Variants in C12orf42 observed in about 807,000 individuals in gnomAD.
C12orf42 encodes chromosome 12 open reading frame 42.
Under a neutral mutation model 21.6 loss-of-function variants are expected in C12orf42, and 25 were observed. The observed-to-expected ratio is 1.16, with a 90% CI of 0.84 to 1.62. C12orf42 has a LOEUF of 1.62. Ranked by LOEUF, C12orf42 falls within the 40% of genes most tolerant of loss-of-function variation. The pLI is 0.00. For missense variants in C12orf42, 483 were observed against 459.3 expected, an observed-to-expected ratio of 1.05 and a Z score of -0.47; for synonymous variants, 174 against 175.0, an observed-to-expected ratio of 0.99 and a Z score of 0.05.
chr12:103,279,580 C>T (rs116155369), intron 4 of C12orf42, among the ~76,000 whole-genome samples: 35 of 152,298 alleles, frequency 2.3e-4, no homozygotes, highest in African/African-American at 7.9e-4. Flanking sequence ...TGCTAGTTCA[C>T]TGTTCCTGTC....
chr12:103,096,137 G>C, the C12orf42 span, among the ~76,000 whole-genome samples: 1 of 152,220 alleles, frequency 6.6e-6, no homozygotes, highest in East Asian at 1.9e-4. Flanking sequence ...ATCTATTTTT[G>C]TAAAACTGAG....
At chr12:103,416,171 G>T (rs2049310451) in intron 2 of C12orf42, among the ~76,000 whole-genome samples, 1 of 151,488 alleles carries the variant, frequency 6.6e-6, no homozygotes, top group African/African-American at 2.4e-5. Context: ...ATGTCATTCT[G>T]TAGGGGTATG....
intron 10 of C12orf42, among the ~76,000 whole-genome samples, chr12:103,255,668 C>A (rs968426280): frequency 2.6e-5 from 4 of 151,818 alleles, no homozygotes; most frequent in Non-Finnish European, 5.9e-5. Flanking sequence ...GTTAAACCAC[C>A]CATATTTTGA....
At chr12:103,554,784 C>T in the C12orf42 span, among the ~76,000 whole-genome samples, 12 of 152,132 alleles carry the variant, frequency 7.9e-5, no homozygotes, top group Non-Finnish European at 8.8e-5. Context: ...TATCGCAAGA[C>T]AGCACTAGGG....
chr12:103,118,223 T>C, the C12orf42 span, among the ~76,000 whole-genome samples: 2 of 152,236 alleles, frequency 1.3e-5, no homozygotes, highest in Non-Finnish European at 2.9e-5. Context: ...CCATGACTTA[T>C]TGATGTCTTT....
intron 3 of C12orf42, among the ~76,000 whole-genome samples, chr12:103,377,726 C>G (rs1206852912): frequency 6.6e-6 from 1 of 152,098 alleles, no homozygotes; most frequent in Non-Finnish European, 1.5e-5. Context: ...GTTCTAAGCC[C>G]TGTGTGCACT....
chr12:103,380,816 A>C (rs952891179), intron 3 of C12orf42, among the ~76,000 whole-genome samples: 1 of 152,216 alleles, frequency 6.6e-6, no homozygotes, highest in Non-Finnish European at 1.5e-5. Flanking sequence ...TAATTCATCA[A>C]ATCCTCACAA....
chr12:103,331,670 G>A (rs1390333003), intron 4 of C12orf42, among the ~76,000 whole-genome samples: 1 of 152,204 alleles, frequency 6.6e-6, no homozygotes, highest in Non-Finnish European at 1.5e-5. Context: ...ACTGTGTCTT[G>A]AAGGACTGCA....
chr12:103,341,842 G>A (rs940320446), intron 4 of C12orf42, among the ~76,000 whole-genome samples: 11 of 152,296 alleles, frequency 7.2e-5, no homozygotes, highest in African/African-American at 2.4e-4. Flanking sequence ...TTATATTAAT[G>A]TAAAAGTATA....
chr12:103,299,761 A>C (rs2037530331), downstream of C12orf42, among the ~76,000 whole-genome samples: 1 of 152,230 alleles, frequency 6.6e-6, no homozygotes, highest in African/African-American at 2.4e-5. Context: ...ATTGGGAAAG[A>C]ATTCACTACA....
At chr12:103,182,749 C>G in the C12orf42 span, among the ~76,000 whole-genome samples, 1 of 152,092 alleles carries the variant, frequency 6.6e-6, no homozygotes, top group African/African-American at 2.4e-5. Context: ...CCAACAGAAC[C>G]TCAAAATATG....
chr12:103,309,259 C>A (rs1238433169), intron 4 of C12orf42, among the ~76,000 whole-genome samples: 3 of 152,130 alleles, frequency 2.0e-5, no homozygotes, highest in Non-Finnish European at 4.4e-5. Flanking sequence ...GCAGCAAGAC[C>A]AACCCCTCCT....
chr12:103,129,847 G>A, the C12orf42 span, among the ~76,000 whole-genome samples: 8 of 152,164 alleles, frequency 5.3e-5, no homozygotes, highest in Non-Finnish European at 1.0e-4. Flanking sequence ...TGCCCATATT[G>A]TGGAGACATC....
At chr12:103,554,931 G>A in the C12orf42 span, among the ~76,000 whole-genome samples, 2 of 152,100 alleles carry the variant, frequency 1.3e-5, no homozygotes, top group Non-Finnish European at 2.9e-5. Context: ...GGGAGGTAAT[G>A]TGAAATATCC....
downstream of C12orf42, among the ~76,000 whole-genome samples, chr12:103,298,551 A>G (rs984963048): frequency 6.6e-6 from 1 of 152,224 alleles, no homozygotes; most frequent in African/African-American, 2.4e-5. Context: ...TATAGATTCA[A>G]TGCCACCCCC....
chr12:103,164,842 T>G, the C12orf42 span: 1 of 406,140 alleles, frequency 2.5e-6, no homozygotes, highest in Non-Finnish European at 5.0e-6. Context: ...GCAACCCATG[T>G]GTATCAGTAT....
Position 103,365,899 on chromosome 12 carries a change from G to A in C12orf42, c.259+2988C>T, listed in dbSNP as rs140536740. ...TCAATGCTGTGAAAATGACCATACC[G>A]CCAAAAGCAATCTACAAATTCAATG... On this transcript the variant is annotated intron_variant, in intron 4 of 5. Coordinates refer to ENST00000548883, the MANE Select transcript of C12orf42 (RefSeq NM_198521.5). Among the ~76,000 whole-genome samples, 868 of 151,962 alleles carry A rather than the reference G, an allele frequency of 5.7e-3. 4 individuals carry two copies. The highest frequency in any genetic ancestry group is 0.019 in the African/African-American group (774 of 41,466).
chr12:103,535,945 A>G, the C12orf42 span, among the ~76,000 whole-genome samples: 1 of 151,996 alleles, frequency 6.6e-6, no homozygotes, highest in Admixed American at 6.6e-5. Flanking sequence ...CCTCCAACAA[A>G]TTACTTTTTA....
upstream of C12orf42, among the ~76,000 whole-genome samples, chr12:103,499,332 A>G (rs185662134): frequency 4.6e-4 from 70 of 152,370 alleles, 2 homozygotes; most frequent in African/African-American, 1.4e-3. Flanking sequence ...TTCACAATGT[A>G]GACATATATC....
Sources: gnomAD v4.1 joint callset for allele counts (sites outside exome capture counted in the v4.1 genomes callset) on GRCh38, gnomAD v4.1.1 for gene constraint, MANE v1.5 for transcripts, NCBI Gene and HGNC (gene_info 2026-07-23, HGNC 2026-07-21) for gene names.